The following SUCLG2 variants were observed in gnomAD, a reference collection of about 807,000 sequenced individuals.
SUCLG2 encodes succinate--CoA ligase [GDP-forming] subunit beta, mitochondrial.
In SUCLG2, 42 loss-of-function variants were observed where a neutral mutation model predicts 47.9. The ratio of observed to expected loss-of-function variants is 0.88; its 90% CI spans 0.69 to 1.14. SUCLG2 has a LOEUF of 1.14. Among genes scored for constraint, SUCLG2 ranks in the 50% most tolerant of loss-of-function variants. The pLI is 0.00. For missense variants in SUCLG2, 571 were observed against 525.9 expected (o/e 1.09, Z -0.84); for synonymous variants, 195 against 197.3 (o/e 0.99, Z 0.10).
intron 9 of SUCLG2, among the ~76,000 whole-genome samples, chr3:67,475,074 G>A (rs1364926349): frequency 6.6e-6 from 1 of 151,684 alleles, no homozygotes; most frequent in Non-Finnish European, 1.5e-5. Flanking sequence ...TAGTCTTAAT[G>A]TCATATCTTT....
chr3:67,546,551 A>G (rs1046323172), intron 2 of SUCLG2, among the ~76,000 whole-genome samples: 1 of 152,182 alleles, frequency 6.6e-6, no homozygotes, highest in African/African-American at 2.4e-5. Flanking sequence ...CCTGGCCAAC[A>G]TGGTGAAACC....
At chr3:67,450,473 A>T (rs183082872) in intron 9 of SUCLG2, among the ~76,000 whole-genome samples, 1 of 152,378 alleles carries the variant, frequency 6.6e-6, no homozygotes, top group Admixed American at 6.5e-5. Flanking sequence ...AAAGAACTAA[A>T]GAGGGAATAC....
At chr3:67,585,793 T>A (rs1707998652) in intron 2 of SUCLG2, among the ~76,000 whole-genome samples, 1 of 151,686 alleles carries the variant, frequency 6.6e-6, no homozygotes, top group South Asian at 2.1e-4. Context: ...CAAAACCCCA[T>A]CTCTACTAAA....
chr3:67,572,518 T>C (rs777758757), intron 2 of SUCLG2, among the ~76,000 whole-genome samples: 6 of 152,186 alleles, frequency 3.9e-5, no homozygotes, highest in Admixed American at 1.3e-4. Context: ...CAGGACACAA[T>C]TGTTCAACAA....
chr3:67,551,392 G>A (rs899992905), intron 2 of SUCLG2, among the ~76,000 whole-genome samples: 1 of 152,098 alleles, frequency 6.6e-6, no homozygotes, highest in Non-Finnish European at 1.5e-5. Context: ...CTTGCTTTTC[G>A]ATAGTCTCCC....
chr3:67,603,231 A>G (rs1439214602), intron 2 of SUCLG2, among the ~76,000 whole-genome samples: 6 of 152,244 alleles, frequency 3.9e-5, no homozygotes, highest in Non-Finnish European at 8.8e-5. Flanking sequence ...CATCTCAATA[A>G]AAAGGATATT....
At chr3:67,366,811 TG>T (rs939475550) in intron 10 of SUCLG2, among the ~76,000 whole-genome samples, 4 of 152,186 alleles carry the variant, frequency 2.6e-5, no homozygotes, top group African/African-American at 9.7e-5. Flanking sequence ...AGTTCTGCCA[TG>T]TTGCCTTTAA....
intron 2 of SUCLG2, among the ~76,000 whole-genome samples, chr3:67,539,232 C>A (rs956014548): frequency 2.6e-5 from 4 of 152,138 alleles, no homozygotes; most frequent in African/African-American, 9.7e-5. Context: ...AGATATGTTC[C>A]ATCAATACCT....
chr3:67,644,811 A>T (rs1253509042), intron 1 of SUCLG2, among the ~76,000 whole-genome samples: 1 of 152,128 alleles, frequency 6.6e-6, no homozygotes, highest in Non-Finnish European at 1.5e-5. Flanking sequence ...CCAAATTTTT[A>T]ATCAAAAAAG....
intron 2 of SUCLG2, among the ~76,000 whole-genome samples, chr3:67,567,615 T>C (rs1440499827): frequency 6.6e-6 from 1 of 152,204 alleles, no homozygotes; most frequent in Non-Finnish European, 1.5e-5. Flanking sequence ...AGGAAAATGG[T>C]AATCTGAAAA....
At chr3:67,611,700 A>G (rs1255557087) in intron 1 of SUCLG2, among the ~76,000 whole-genome samples, 1 of 152,222 alleles carries the variant, frequency 6.6e-6, no homozygotes. Flanking sequence ...GGAGACTAAA[A>G]ACAGCCACAA....
At chr3:67,470,129 T>G (rs1271674152) in intron 9 of SUCLG2, among the ~76,000 whole-genome samples, 1 of 152,128 alleles carries the variant, frequency 6.6e-6, no homozygotes, top group Non-Finnish European at 1.5e-5. Flanking sequence ...TTTAATTGTA[T>G]GGTCTATACA....
At chr3:67,541,907 T>C (rs1706723240) in intron 2 of SUCLG2, among the ~76,000 whole-genome samples, 1 of 151,884 alleles carries the variant, frequency 6.6e-6, no homozygotes, top group Non-Finnish European at 1.5e-5. Flanking sequence ...TTGCTCTTGT[T>C]GCCCAGGCTG....
chr3:67,484,368 T>C (rs1049247759), intron 9 of SUCLG2, among the ~76,000 whole-genome samples: 2 of 152,198 alleles, frequency 1.3e-5, no homozygotes, highest in African/African-American at 4.8e-5. Flanking sequence ...TTATTACGCT[T>C]TTCTTCCTGG....
At chr3:67,628,372 T>C (rs1226712166) in intron 1 of SUCLG2, among the ~76,000 whole-genome samples, 3 of 152,186 alleles carry the variant, frequency 2.0e-5, no homozygotes, top group African/African-American at 7.2e-5. Flanking sequence ...TTTACCCCTA[T>C]ATGCAATTGT....
chr3:67,533,200 C>T (rs916335824), intron 2 of SUCLG2, among the ~76,000 whole-genome samples: 2 of 152,126 alleles, frequency 1.3e-5, no homozygotes, highest in East Asian at 1.9e-4. Flanking sequence ...TTATTTTCAA[C>T]TATTTTTTAA....
chr3:67,592,743 A>AAAAAAAAAAAC (rs1559587055), intron 2 of SUCLG2, among the ~76,000 whole-genome samples: 3 of 148,598 alleles, frequency 2.0e-5, no homozygotes, highest in African/African-American at 7.7e-5. Flanking sequence ...AAAACAACAA[A>AAAAAAAAAAAC]AAAAAACTGA....
At chr3:67,407,835 T>A (rs1702849912) in intron 9 of SUCLG2, among the ~76,000 whole-genome samples, 1 of 152,248 alleles carries the variant, frequency 6.6e-6, no homozygotes, top group Non-Finnish European at 1.5e-5. Context: ...TCTGTTTTTG[T>A]GAAACTGTTT....
At chr3:67,519,617 A>T (rs953330770) in intron 5 of SUCLG2, among the ~76,000 whole-genome samples, 4 of 152,200 alleles carry the variant, frequency 2.6e-5, no homozygotes, top group Admixed American at 2.6e-4. Context: ...TTAGACAAAG[A>T]GATTTAAGAA....
Sources: gnomAD v4.1 joint callset for allele counts (sites outside exome capture counted in the v4.1 genomes callset) on GRCh38, gnomAD v4.1.1 for gene constraint, MANE v1.5 for transcripts, NCBI Gene and HGNC (gene_info 2026-07-23, HGNC 2026-07-21) for gene names.